The following BNC2 variants were observed in gnomAD, a reference collection of about 807,000 sequenced individuals.
BNC2 encodes the protein basonuclin zinc finger protein 2.
In BNC2, 20 loss-of-function variants were observed where a neutral mutation model predicts 76.3. The observed-to-expected ratio is 0.26, with a 90% confidence interval of 0.18 to 0.38. The LOEUF is 0.38. Among genes scored for constraint, BNC2 ranks in the 10% least tolerant of loss-of-function variants. The pLI is 1.00. For missense variants in BNC2, 1,382 were observed against 1,399.8 expected (o/e 0.99, Z 0.20); for synonymous variants, 582 against 514.8 (o/e 1.13, Z -1.77).
intron 1 of BNC2, among the ~76,000 whole-genome samples, chr9:16,866,963 A>C (rs1391280002): frequency 6.6e-6 from 1 of 152,174 alleles, no homozygotes; most frequent in Non-Finnish European, 1.5e-5. Context: ...CCATCTGCTG[A>C]GTAAATCAGA....
intron 1 of BNC2, among the ~76,000 whole-genome samples, chr9:16,858,303 A>C (rs529080296): frequency 6.6e-6 from 1 of 152,304 alleles, no homozygotes; most frequent in East Asian, 1.9e-4. Flanking sequence ...TTTTAAACTC[A>C]ATGATAATTA....
intron 5 of BNC2, among the ~76,000 whole-genome samples, chr9:16,467,865 T>A (rs1331739378): frequency 4.6e-5 from 7 of 150,710 alleles, no homozygotes; most frequent in African/African-American, 1.7e-4. Flanking sequence ...AAAAATGCCA[T>A]CTTCTGGATA....
intron 1 of BNC2, among the ~76,000 whole-genome samples, chr9:16,861,764 AG>A (rs1194369313): frequency 6.6e-6 from 1 of 152,166 alleles, no homozygotes; most frequent in Non-Finnish European, 1.5e-5. Context: ...CCGAGGCGGG[AG>A]GATGACGAGG....
At chr9:16,673,330 C>T (rs1822535880) in intron 3 of BNC2, among the ~76,000 whole-genome samples, 1 of 151,826 alleles carries the variant, frequency 6.6e-6, no homozygotes, top group Admixed American at 6.6e-5. Context: ...ATAAACTTTG[C>T]ACAGTTTTGA....
At chr9:16,514,629 T>C (rs1248062858) in intron 5 of BNC2, among the ~76,000 whole-genome samples, 1 of 152,230 alleles carries the variant, frequency 6.6e-6, no homozygotes, top group Non-Finnish European at 1.5e-5. Flanking sequence ...ACAGTTGACA[T>C]GCAAATTTCA....
At chr9:16,638,186 G>A (rs2133820169) in intron 3 of BNC2, among the ~76,000 whole-genome samples, 1 of 152,304 alleles carries the variant, frequency 6.6e-6, no homozygotes, top group Admixed American at 6.5e-5. Flanking sequence ...TGGCAAGGTT[G>A]AGCCGTCTAC....
chr9:16,804,508 T>C (rs1272698313), intron 1 of BNC2, among the ~76,000 whole-genome samples: 4 of 152,222 alleles, frequency 2.6e-5, no homozygotes, highest in Non-Finnish European at 5.9e-5. Flanking sequence ...ATGAGATATA[T>C]GCCTCAGCAC....
At chr9:16,526,209 G>A (rs1817794619) in intron 5 of BNC2, among the ~76,000 whole-genome samples, 1 of 151,902 alleles carries the variant, frequency 6.6e-6, no homozygotes, top group Non-Finnish European at 1.5e-5. Context: ...ACACATATAT[G>A]TATGTATATG....
Position 16,757,763 on chromosome 9 carries a change from G to T in BNC2, c.4-19278C>A, listed in dbSNP as rs114981206. On this transcript the variant is annotated intron_variant, in intron 1 of 6. Coordinates refer to ENST00000380672, the MANE Select transcript of BNC2 (RefSeq NM_017637.6). ...ATACTTGCAAGGTCGCATCAAGTTC[G>T]TTCTGTTATTTAAAAGCAAAATTAA... is the stretch of plus-strand genomic sequence containing the variant. 2.7e-5 allele frequency among the ~76,000 whole-genome samples: 4 copies of T among 149,004 alleles called. No individual in the cohort carries two copies. The South Asian group carries it at 6.3e-4, about 24-fold the overall frequency.
At chr9:16,647,722 T>C (rs1202938754) in intron 3 of BNC2, among the ~76,000 whole-genome samples, 1 of 152,156 alleles carries the variant, frequency 6.6e-6, no homozygotes, top group Non-Finnish European at 1.5e-5. Flanking sequence ...TTCATCAATA[T>C]GTGTATTCCC....
intron 4 of BNC2, among the ~76,000 whole-genome samples, chr9:16,570,016 A>C (rs934366228): frequency 5.9e-5 from 9 of 152,188 alleles, no homozygotes; most frequent in African/African-American, 2.2e-4. Flanking sequence ...TTAACTATGT[A>C]CATCCTTTTA....
intron 3 of BNC2, among the ~76,000 whole-genome samples, chr9:16,724,511 C>T (rs931973960): frequency 6.6e-6 from 1 of 151,952 alleles, no homozygotes; most frequent in African/African-American, 2.4e-5. Context: ...CAGCTATATA[C>T]ATAGAAATAA....
chr9:16,518,215 C>A lies in BNC2; in HGVS notation c.669+34315G>T, dbSNP rs529638513. On this transcript the variant is annotated intron_variant, in intron 5 of 6. Coordinates refer to ENST00000380672, the MANE Select transcript of BNC2 (RefSeq NM_017637.6). ...AGGCCAAGGCGGGAGGATCACTTAG[C>A]CCAGGAGTTCAAGACCAGCCTGGGC... Among the ~76,000 whole-genome samples, 45 of 152,202 alleles carry A rather than the reference C, an allele frequency of 3.0e-4. No homozygotes were observed. In the East Asian group the frequency reaches 7.1e-3, roughly 24 times the overall value.
intron 1 of BNC2, among the ~76,000 whole-genome samples, chr9:16,756,836 A>C (rs1825396309): frequency 6.6e-6 from 1 of 152,014 alleles, no homozygotes; most frequent in Non-Finnish European, 1.5e-5. Context: ...AAAAATACAA[A>C]AAAAATTAAC....
intron 3 of BNC2, among the ~76,000 whole-genome samples, chr9:16,725,242 C>CACACAT (rs1433455394): frequency 6.6e-6 from 1 of 152,016 alleles, no homozygotes; most frequent in East Asian, 1.9e-4. Context: ...CACACACACA[C>CACACAT]ACACACACGT....
intron 3 of BNC2, among the ~76,000 whole-genome samples, chr9:16,688,111 G>A (rs1035908621): frequency 5.9e-5 from 9 of 152,018 alleles, no homozygotes; most frequent in African/African-American, 2.2e-4. Flanking sequence ...AATCAAAATT[G>A]GTTCACAAAG....
At chr9:16,461,084 T>A (rs778499226) in intron 5 of BNC2, among the ~76,000 whole-genome samples, 1 of 152,176 alleles carries the variant, frequency 6.6e-6, no homozygotes, top group African/African-American at 2.4e-5. Context: ...AGAAAAACTA[T>A]ACTTTGATCA....
Position 16,412,462 on chromosome 9 carries a change from A to G in BNC2, c.*6527T>C, listed in dbSNP as rs1820482482. On this transcript the variant is annotated 3_prime_UTR_variant, in exon 7 of 7. Transcript: ENST00000380672. ...TACTTATGCCACTGACTTGCAGGAA[A>G]ATTTGCTCTAATTATAGGGCCACAC... The G allele has an allele frequency of 6.6e-6, 1 of 152,402 alleles. No homozygotes were observed. The highest frequency in any genetic ancestry group is 1.5e-5 in the Non-Finnish European group (1 of 68,036). The allele number at this position is 152,402 out of a possible 1,614,324, so 9.4% of individuals were successfully genotyped here. A position where few individuals can be genotyped will look rare whatever the true frequency, so the allele number is the denominator to read the frequency against.
intron 5 of BNC2, among the ~76,000 whole-genome samples, chr9:16,499,358 A>G (rs186620176): frequency 1.8e-3 from 267 of 152,146 alleles, no homozygotes; most frequent in African/African-American, 5.9e-3. Flanking sequence ...GTTTGTATTA[A>G]TCTACTGTTA....
Sources: allele counts gnomAD v4.1 joint callset (sites outside exome capture counted in the v4.1 genomes callset), GRCh38; gene constraint gnomAD v4.1.1; transcripts MANE v1.5; gene names NCBI Gene and HGNC (gene_info 2026-07-23, HGNC 2026-07-21).